The following ELF4 variants were observed in gnomAD, a reference collection of about 807,000 sequenced individuals.
ELF4 encodes the protein ETS-related transcription factor Elf-4.
ELF4 carries 10 observed loss-of-function variants against 31.7 expected under a neutral mutation model. The ratio of observed to expected loss-of-function variants is 0.32; its 90% CI spans 0.19 to 0.54. The LOEUF (loss-of-function observed/expected upper bound fraction) is 0.54, where lower values mean the gene tolerates loss of function less well. Ranked by LOEUF, ELF4 falls within the 20% of genes least tolerant of loss-of-function variation. ELF4 has a pLI of 0.95. For missense variants in ELF4, 418 were observed against 522.0 expected (o/e 0.80, Z 1.94); for synonymous variants, 208 against 226.7 (o/e 0.92, Z 0.74).
chrX:130,078,671 C>T (rs1406414845), intron 2 of ELF4, among the ~76,000 whole-genome samples: 1 of 109,803 alleles, frequency 9.1e-6, no homozygotes, highest in Non-Finnish European at 1.9e-5. Flanking sequence ...GCAGGAGAAT[C>T]GCTTAAACCC....
intron 1 of ELF4, among the ~76,000 whole-genome samples, chrX:130,099,155 C>T: frequency 8.9e-6 from 1 of 112,359 alleles, no homozygotes; most frequent in Middle Eastern, 4.6e-3. Flanking sequence ...ACCACAGGCA[C>T]GCCACGTCAC....
chrX:130,079,726 G>T (rs2124620766), intron 2 of ELF4, among the ~76,000 whole-genome samples: 1 of 111,567 alleles, frequency 9.0e-6, no homozygotes, highest in East Asian at 2.8e-4. Context: ...GCTGAGGGTG[G>T]AGGGATAGGT....
intron 1 of ELF4, among the ~76,000 whole-genome samples, chrX:130,082,505 G>T: frequency 8.9e-6 from 1 of 112,063 alleles, no homozygotes; most frequent in East Asian, 2.8e-4. Context: ...TCTGGGGCTG[G>T]CTCAGGCCCC....
chrX:130,069,401 C>T lies in ELF4; in HGVS notation c.1086G>A (p.Ala362=), dbSNP rs556037441. 1.2e-5 allele frequency: 14 copies of T among 1,210,570 alleles called. No individual in the cohort carries two copies. Among genetic ancestry groups the T allele is most frequent in the South Asian group, 3.5e-5 (2 of 56,887 alleles). ...CTAGCGACGGTCCCAATTCCAGACT[C>T]GCAGATGGCTGGAGACCGACATGCT... The part of the protein sequence containing the change: ...KIQHVGLQPS[A]SLELGPSLDE... Residue 362 remains alanine (A), a synonymous_variant, in exon 8 of 9, where the codon GCG becomes GCA. Transcript: ENST00000308167.
chrX:130,104,277 TACACACACAC>T (rs61193112), intron 1 of ELF4, among the ~76,000 whole-genome samples: 34 of 86,422 alleles, frequency 3.9e-4, no homozygotes, highest in South Asian at 6.4e-4. Flanking sequence ...TTCAGTATAT[TACACACACAC>T]ACACACACAC....
intron 1 of ELF4, among the ~76,000 whole-genome samples, chrX:130,088,380 A>G (rs148083661): frequency 0.051 from 5,641 of 111,101 alleles, 344 homozygotes; most frequent in African/African-American, 0.17. Context: ...CAGTAGCTGT[A>G]GAGACCCCAA....
At chrX:130,090,944 C>G (rs978021481) in intron 1 of ELF4, among the ~76,000 whole-genome samples, 2 of 111,453 alleles carry the variant, frequency 1.8e-5, no homozygotes, top group African/African-American at 6.5e-5. Context: ...TCCCAAGTAG[C>G]TGGAACTACA....
intron 2 of ELF4, among the ~76,000 whole-genome samples, chrX:130,076,887 C>T (rs754717230): frequency 5.5e-4 from 60 of 110,026 alleles, no homozygotes; most frequent in African/African-American, 1.9e-3. Flanking sequence ...TTTTTTTTCC[C>T]ATGCAAAAAG....
chrX:130,072,275 C>A lies in ELF4; in HGVS notation c.483G>T (p.Lys161Asn), dbSNP rs775647005. Reference sequence around the variant, plus strand: ...TCTTGGCACTTTCCTCTCTGGAGGCCTTCTCCTCCAGAGAATGCCCCTCCT... The same window carrying A: ...TCTTGGCACTTTCCTCTCTGGAGGCATTCTCCTCCAGAGAATGCCCCTCCT... ...SDQEGHSLEE[K>N]ASREESAKKT... The change falls in exon 5 of 9, where the codon AAG (lysine) becomes AAT (asparagine). Residue 161 changes from lysine to asparagine, a missense_variant. By Grantham distance (94) the Lys-to-Asn change is moderately conservative. Coordinates refer to ENST00000308167, the MANE Select transcript of ELF4 (RefSeq NM_001421.4). 2.5e-6 allele frequency: 3 copies of A among 1,210,716 alleles called. No individual in the cohort carries two copies. Among genetic ancestry groups the A allele is most frequent in the East Asian group, 3.0e-5 (1 of 33,766 alleles).
intron 1 of ELF4, among the ~76,000 whole-genome samples, chrX:130,106,079 G>A (rs1168926973): frequency 4.5e-5 from 5 of 110,848 alleles, no homozygotes; most frequent in African/African-American, 1.3e-4. Context: ...AGGTCAGTTC[G>A]TGGCCAGGGA....
intron 4 of ELF4, 31 bp downstream of exon 4, chrX:130,074,018 C>T: frequency 8.4e-7 from 1 of 1,193,697 alleles, no homozygotes; most frequent in South Asian, 1.8e-5. Context: ...ATTTTGTTGC[C>T]TTGAGTTCAG....
At position 130,066,428 on chromosome X, in the gene ELF4, C is replaced by T. The variant is rs1339167915; in HGVS notation, c.*293G>A. 7 of 363,166 alleles carry T rather than the reference C, an allele frequency of 1.9e-5. No homozygotes were observed. The highest frequency in any genetic ancestry group is 2.9e-5 in the Non-Finnish European group (6 of 209,602). The allele number at this position is 363,166 out of a possible 1,213,427, so 29.9% of individuals were successfully genotyped here. On this transcript the variant is annotated 3_prime_UTR_variant, in exon 9 of 9. Coordinates refer to ENST00000308167, the MANE Select transcript of ELF4 (RefSeq NM_001421.4). ...TCTTCTCACAAAGCTGCTGCACAAA[C>T]CCTGGCCACAAACTTCTGCCTGGCT...
intron 1 of ELF4, among the ~76,000 whole-genome samples, chrX:130,109,588 G>A (rs1221023326): frequency 8.9e-6 from 1 of 111,807 alleles, no homozygotes; most frequent in Non-Finnish European, 1.9e-5. Context: ...GGAAGGTGAT[G>A]TGCAGGCATA....
At chrX:130,101,691 C>T (rs1023297351) in intron 1 of ELF4, among the ~76,000 whole-genome samples, 18 of 109,741 alleles carry the variant, frequency 1.6e-4, no homozygotes, top group Non-Finnish European at 2.5e-4. Flanking sequence ...CTCGGGAGGT[C>T]GGGAGGCTGA....
chrX:130,091,869 C>T (rs1376098575), intron 1 of ELF4, among the ~76,000 whole-genome samples: 2 of 111,503 alleles, frequency 1.8e-5, no homozygotes, highest in African/African-American at 6.5e-5. Flanking sequence ...ACTGCATTAC[C>T]ATCTCCCACA....
intron 1 of ELF4, among the ~76,000 whole-genome samples, chrX:130,110,023 G>A (rs933646965): frequency 8.9e-6 from 1 of 111,954 alleles, no homozygotes; most frequent in African/African-American, 3.2e-5. Flanking sequence ...GCTTCTGGGG[G>A]CCCGCTGTCA....
At chrX:130,097,113 A>G (rs930039558) in intron 1 of ELF4, among the ~76,000 whole-genome samples, 2 of 101,091 alleles carry the variant, frequency 2.0e-5, no homozygotes, top group Admixed American at 1.1e-4. Flanking sequence ...CCTAGACAAC[A>G]TGATGAAATC....
At chrX:130,087,980 G>C (rs925153791) in intron 1 of ELF4, among the ~76,000 whole-genome samples, 2 of 111,737 alleles carry the variant, frequency 1.8e-5, no homozygotes, top group African/African-American at 6.5e-5. Context: ...ACATTGCTTG[G>C]GAAGCTGGAT....
chrX:130,067,216 C>T lies in ELF4; in HGVS notation c.1497G>A (p.Pro499=), dbSNP rs775546390. The part of the protein sequence containing the change: ...LLAGANRPTN[P]APPTVTGAGP... ...CAGCCCCTGTGACCGTGGGTGGCGC[C>T]GGGTTGGTCGGACGGTTGGCCCCAG... Residue 499 remains proline, a synonymous_variant, in exon 9 of 9, where the codon CCG becomes CCA. Transcript: ENST00000308167. 1.2e-5 allele frequency: 15 copies of T among 1,209,859 alleles called. No individual in the cohort carries two copies. Among genetic ancestry groups the T allele is most frequent in the Admixed American group, 6.5e-5 (3 of 45,900 alleles).
Sources: gnomAD v4.1 joint callset for allele counts (sites outside exome capture counted in the v4.1 genomes callset) on GRCh38, gnomAD v4.1.1 for gene constraint, MANE v1.5 for transcripts, NCBI Gene and HGNC (gene_info 2026-07-23, HGNC 2026-07-21) for gene names.